Variants in CHD4 observed in about 807,000 individuals in gnomAD.
CHD4 encodes ATP-dependent chromatin remodeler CHD4.
A neutral mutation model predicts 235.5 loss-of-function variants in CHD4; 35 were observed. The ratio of observed to expected loss-of-function variants is 0.15; its 90% confidence interval spans 0.11 to 0.20. The LOEUF is 0.20. Ranked by LOEUF, CHD4 falls within the 10% of genes least tolerant of loss-of-function variation. The pLI is 1.00. For missense variants in CHD4, 1,329 were observed against 2,432.3 expected (o/e 0.55, Z 9.54); for synonymous variants, 900 against 850.2 (o/e 1.06, Z -1.02).
intron 22 of CHD4, among the ~76,000 whole-genome samples, chr12:6,590,995 C>T (rs1012843694): frequency 1.3e-5 from 2 of 151,596 alleles, no homozygotes; most frequent in Non-Finnish European, 2.9e-5. Context: ...TGGTGGCACA[C>T]GCCTGTTGTC....
intron 33 of CHD4, chr12:6,580,711 A>AAAAAAAAAAC (rs1948167938): frequency 1.9e-5 from 4 of 209,758 alleles, no homozygotes; most frequent in Admixed American, 5.9e-5. Context: ...TTTGAAAAAA[A>AAAAAAAAAAC]AAAAAAAAAA....
In CHD4 at chr12:6,607,300, C is replaced by G. The variant is rs1948722424; in HGVS notation, c.-79G>C. On this transcript the variant is annotated splice_region_variant and 5_prime_UTR_variant, in exon 1 of 40. Coordinates refer to ENST00000544040, the MANE Select transcript of CHD4 (RefSeq NM_001273.5). ...TTTGGGAACCCCGCGCTCTCCTCAC[C>G]CCGGAGCCGCCGCAGGTCGCGCTGG... 6.6e-6 allele frequency: 1 copy of G among 151,888 alleles called. No individual in the cohort carries two copies. Among genetic ancestry groups the G allele is most frequent in the Non-Finnish European group, 1.5e-5 (1 of 67,944 alleles). The allele number at this position is 151,888 out of a possible 1,614,324, so 9.4% of individuals were successfully genotyped here.
chr12:6,578,371 A>C, intron 35 of CHD4, 38 bp downstream of exon 35: 1 of 1,599,486 alleles, frequency 6.3e-7, no homozygotes, highest in Non-Finnish European at 8.5e-7. Flanking sequence ...ATTTCACATC[A>C]GATCCTTCTA....
chr12:6,597,853 T>C, intron 12 of CHD4, 41 bp downstream of exon 12: 7 of 1,562,182 alleles, frequency 4.5e-6, no homozygotes, highest in Non-Finnish European at 6.2e-6. Flanking sequence ...AGCAGGACTC[T>C]CCCACGGAGA....
chr12:6,578,335 T>A, intron 35 of CHD4, 74 bp downstream of exon 35: 1 of 1,544,958 alleles, frequency 6.5e-7, no homozygotes, highest in Non-Finnish European at 8.8e-7. Flanking sequence ...AAAGTCCCTG[T>A]ACCGTGGTTT....
chr12:6,601,416 T>C lies in CHD4; in HGVS notation c.672A>G (p.Ala224=), dbSNP rs1387714687. The stretch of plus-strand genomic sequence containing the variant: ...CTGCTGCTGCCGCAGCTGCCACTGA[T>C]GCCCCAGAACTGCCTTTGAAGGGGT... The part of the protein sequence containing the change: ...TNNPFKGSSG[A]SVAAAAAAAV... Residue 224 remains alanine (A), a synonymous_variant, in exon 6 of 40, where the codon GCA becomes GCG. Coordinates refer to ENST00000544040, the MANE Select transcript of CHD4 (RefSeq NM_001273.5). The C allele has an allele frequency of 6.2e-7, 1 of 1,614,176 alleles. No homozygotes were observed. Among genetic ancestry groups the C allele is most frequent in the Non-Finnish European group, 8.5e-7 (1 of 1,180,046 alleles).
intron 12 of CHD4, among the ~76,000 whole-genome samples, chr12:6,597,501 G>A (rs1948520373): frequency 1.3e-5 from 2 of 151,832 alleles, no homozygotes; most frequent in Admixed American, 6.6e-5. Context: ...GGTGGCTCAC[G>A]CCTGTTAATC....
chr12:6,592,528 G>A lies in CHD4; in HGVS notation c.2813C>T (p.Ala938Val). 1 of 1,606,410 alleles carries A rather than the reference G, an allele frequency of 6.2e-7. No homozygotes were observed. The highest frequency in any genetic ancestry group is 8.5e-7 in the Non-Finnish European group (1 of 1,174,454). The stretch of plus-strand genomic sequence containing the variant: ...CAGTTTTTTTATCTGGTCCTCCTTG[G>A]CAATGTCAGCAAACTCCTCCAAAAA... ...EGFLEEFADI[A>V]KEDQIKKLHD... Residue 938 changes from alanine to valine, a missense_variant, in exon 19 of 40, where the codon GCC becomes GTC. By Grantham distance (64) the Ala-to-Val change is moderately conservative. Around this residue, in one of 26 missense-constraint regions of CHD4, gnomAD observed 23 missense variants for 130.0 expected, o/e 0.18. Coordinates refer to ENST00000544040, the MANE Select transcript of CHD4 (RefSeq NM_001273.5).
rs772135339 is a variant in CHD4 at position 6,601,778 on chromosome 12, G to A, written c.439-12C>T. 10 of 1,610,692 alleles carry A rather than the reference G, an allele frequency of 6.2e-6. No individual in the cohort carries two copies. Among genetic ancestry groups the A allele is most frequent in the Non-Finnish European group, 8.5e-6 (10 of 1,177,046 alleles). The stretch of plus-strand genomic sequence containing the variant: ...GATGATTTAGGCTCCTGCAGAAAGA[G>A]CAAAGTCAAGTAAGTACCTGCCACC... On this transcript the variant is annotated splice_polypyrimidine_tract_variant and intron_variant, in intron 4 of 39. Transcript: ENST00000544040.
Position 6,600,572 on chromosome 12 carries a change from C to T in CHD4, c.1025G>A (p.Ser342Asn), listed in dbSNP as rs763477403. The change falls in exon 8 of 40, where the codon AGC becomes AAC. Residue 342 changes from serine (S) to asparagine (N), a missense_variant. By Grantham distance (46) the Ser-to-Asn change is conservative. This residue lies in a region of CHD4 where 160 missense variants were observed against 196.6 expected (regional missense o/e 0.81). Coordinates refer to ENST00000544040, the MANE Select transcript of CHD4 (RefSeq NM_001273.5). ...TTTAGTGGTTCGGAGTTTCTTGCGG[C>T]TGCGGCTACTACGGCTGGTGGAACC... ...SDGSTSRSSRSRKKLRTTKKK... is the reference protein window; with the variant it reads ...SDGSTSRSSRNRKKLRTTKKK... 1.9e-6 allele frequency: 3 copies of T among 1,613,842 alleles called. No homozygotes were observed. The highest frequency in any genetic ancestry group is 2.2e-5 in the South Asian group (2 of 91,072).
At chr12:6,602,613 G>A (rs1457129493) in intron 2 of CHD4, 116 bp from the exon 3 acceptor site, 3 of 1,310,312 alleles carry the variant, frequency 2.3e-6, no homozygotes, top group East Asian at 2.3e-5. Context: ...TTCCTCTGAA[G>A]AGAACTGCTA....
chr12:6,579,269 G>C, intron 33 of CHD4: 1 of 316,982 alleles, frequency 3.2e-6, no homozygotes, highest in Non-Finnish European at 6.0e-6. Context: ...GGCCAACATG[G>C]TGAAACCCTG....
At chr12:6,577,298 T>C (rs1230882664) in intron 37 of CHD4, among the ~76,000 whole-genome samples, 1 of 151,618 alleles carries the variant, frequency 6.6e-6, no homozygotes, top group East Asian at 1.9e-4. Context: ...GGCAGGCGCC[T>C]GTAATCTCAG....
chr12:6,599,945 A>C lies in CHD4; in HGVS notation c.1310T>G (p.Val437Gly). 6.2e-7 allele frequency: 1 copy of C among 1,613,448 alleles called. No individual in the cohort carries two copies. Among genetic ancestry groups the C allele is most frequent in the Non-Finnish European group, 8.5e-7 (1 of 1,179,820 alleles). The change falls in exon 10 of 40, where the codon GTT becomes GGT. Residue 437 changes from valine (V) to glycine (G), a missense_variant. Transcript: ENST00000544040. Reference protein sequence around the residue: ...NSEGEEILEEVGGDLEEEDDH... With the variant: ...NSEGEEILEEGGGDLEEEDDH... The stretch of plus-strand genomic sequence containing the variant: ...ATCCTCCTCTTCGAGGTCTCCCCCA[A>C]CCTCTTCCAGGATCTCCTCACCCTC...
chr12:6,596,083 G>C lies in CHD4; in HGVS notation c.1947C>G (p.Tyr649Ter). The C allele has an allele frequency of 6.2e-7, 1 of 1,613,964 alleles. No homozygotes were observed. Among genetic ancestry groups the C allele is most frequent in the Non-Finnish European group, 8.5e-7 (1 of 1,179,968 alleles). Residue 649 changes from tyrosine (Y) to a stop codon, truncating the protein, a stop_gained, in exon 13 of 40, where the codon TAC becomes TAG. Coordinates refer to ENST00000544040, the MANE Select transcript of CHD4 (RefSeq NM_001273.5). LOFTEE classifies it high-confidence loss of function. ...HYLIKWRDLP[Y>*]DQASWESEDV... ...CCTCACTCTCCCAAGAAGCCTGATCGTAAGGTAAGTCCCGCCACTTGATCA... is the reference window on the plus strand; with the variant it reads ...CCTCACTCTCCCAAGAAGCCTGATCCTAAGGTAAGTCCCGCCACTTGATCA...
rs137971621 is a variant in CHD4 at position 6,605,272 on chromosome 12, G to A, written c.100+1002C>T. Among the ~76,000 whole-genome samples the A allele has an allele frequency of 4.5e-4, 69 of 152,150 alleles. 1 individual carries two copies. The East Asian group carries it at 0.01, about 23-fold the overall frequency. On this transcript the variant is annotated intron_variant, in intron 2 of 39. Transcript: ENST00000544040. ...GAAAACTAGAAGCAGAAGGAATGAAGAAATGACATGTAGAAAAAAAAATTA... is the reference window on the plus strand; with the variant it reads ...GAAAACTAGAAGCAGAAGGAATGAAAAAATGACATGTAGAAAAAAAAATTA...
At chr12:6,583,152 C>G in intron 26 of CHD4, 39 bp from the exon 27 acceptor site, 1 of 1,611,354 alleles carries the variant, frequency 6.2e-7, no homozygotes, top group Non-Finnish European at 8.5e-7. Flanking sequence ...GCCCACTGCT[C>G]TAGTGGAACG....
At chr12:6,578,186 G>GT (rs765853114) in intron 35 of CHD4, 49 bp from the exon 36 acceptor site, 6 of 1,506,892 alleles carry the variant, frequency 4.0e-6, no homozygotes, top group Non-Finnish European at 5.5e-6. Context: ...GCAAACATCT[G>GT]TGAGAATTGA....
At chr12:6,587,601 G>A (rs1948322414) in intron 24 of CHD4, 42 bp from the exon 25 acceptor site, 2 of 1,610,674 alleles carry the variant, frequency 1.2e-6, no homozygotes, top group South Asian at 2.2e-5. Flanking sequence ...GTCAGTTTCA[G>A]CAGCTGCAGT....
Sources: allele counts gnomAD v4.1 joint callset (sites outside exome capture counted in the v4.1 genomes callset), GRCh38; gene constraint gnomAD v4.1.1; regional missense constraint gnomAD v4.1.1; transcripts MANE v1.5; gene names NCBI Gene and HGNC (gene_info 2026-07-23, HGNC 2026-07-21).